STK39: variants seen among roughly 807,000 people sequenced by gnomAD.
The protein encoded by STK39 is serine/threonine kinase 39, also known as STE20/SPS1-related proline-alanine-rich protein kinase.
A neutral mutation model predicts 77.8 loss-of-function variants in STK39; 20 were observed. The observed-to-expected ratio is 0.26, with a 90% CI of 0.18 to 0.37. The LOEUF is 0.37. Ranked by LOEUF, STK39 falls within the 10% of genes least tolerant of loss-of-function variation. The pLI is 1.00. For missense variants in STK39, 479 were observed against 656.5 expected (o/e 0.73, Z 2.95); for synonymous variants, 246 against 234.1 (o/e 1.05, Z -0.47).
At chr2:167,998,110 T>TA (rs35127860) in intron 16 of STK39, among the ~76,000 whole-genome samples, 76 of 151,520 alleles carry the variant, frequency 5.0e-4, no homozygotes, top group African/African-American at 1.7e-3. Context: ...AAGGGAAGGT[T>TA]AAAAAAAAAT....
intron 16 of STK39, among the ~76,000 whole-genome samples, chr2:167,968,814 A>G (rs1355113714): frequency 6.6e-6 from 1 of 152,202 alleles, no homozygotes; most frequent in Non-Finnish European, 1.5e-5. Context: ...ATATAAATTA[A>G]AATTTTATTT....
chr2:168,070,106 T>A (rs1444503284), intron 12 of STK39, among the ~76,000 whole-genome samples: 1 of 152,194 alleles, frequency 6.6e-6, no homozygotes, highest in Non-Finnish European at 1.5e-5. Context: ...TTGAAAAGTT[T>A]TATATAACCT....
chr2:168,099,332 A>G (rs945674370), intron 10 of STK39, among the ~76,000 whole-genome samples: 2 of 152,240 alleles, frequency 1.3e-5, no homozygotes, highest in Non-Finnish European at 2.9e-5. Flanking sequence ...GAGCGAAATC[A>G]CCAATCCAAA....
chr2:168,137,700 G>C (rs1453522786), intron 8 of STK39, among the ~76,000 whole-genome samples: 2 of 152,282 alleles, frequency 1.3e-5, no homozygotes, highest in African/African-American at 2.4e-5. Flanking sequence ...GTTTAGACTG[G>C]AGCTAGCAGG....
At chr2:168,066,413 T>C (rs1471116481) in intron 12 of STK39, among the ~76,000 whole-genome samples, 1 of 152,222 alleles carries the variant, frequency 6.6e-6, no homozygotes, top group African/African-American at 2.4e-5. Context: ...TACGATAAGA[T>C]GTTAGGGGAA....
At chr2:168,068,606 C>T (rs940487122) in intron 12 of STK39, among the ~76,000 whole-genome samples, 7 of 152,150 alleles carry the variant, frequency 4.6e-5, no homozygotes, top group Non-Finnish European at 1.5e-5. Flanking sequence ...TCTGCACTGT[C>T]CCTGCAACGT....
chr2:168,050,229 G>A (rs1263646061), intron 14 of STK39, among the ~76,000 whole-genome samples: 1 of 152,194 alleles, frequency 6.6e-6, no homozygotes, highest in Non-Finnish European at 1.5e-5. Flanking sequence ...GAATGTGACA[G>A]GCACTGCATC....
chr2:168,077,974 C>T (rs563767093), intron 10 of STK39, among the ~76,000 whole-genome samples: 3 of 151,212 alleles, frequency 2.0e-5, no homozygotes, highest in African/African-American at 7.3e-5. Context: ...AGATTATTTA[C>T]CCTTGTAATT....
chr2:168,093,860 C>T (rs1402364397), intron 10 of STK39, among the ~76,000 whole-genome samples: 1 of 152,186 alleles, frequency 6.6e-6, no homozygotes. Context: ...AAAGCCCAAT[C>T]TCCTCATCAA....
At chr2:168,003,532 C>G (rs1684052760) in intron 16 of STK39, among the ~76,000 whole-genome samples, 1 of 151,854 alleles carries the variant, frequency 6.6e-6, no homozygotes, top group Non-Finnish European at 1.5e-5. Context: ...GAGTTACAAT[C>G]AAATAGGCTG....
intron 2 of STK39, among the ~76,000 whole-genome samples, chr2:168,174,829 T>A (rs555059906): frequency 7.3e-6 from 1 of 137,454 alleles, no homozygotes; most frequent in African/African-American, 2.9e-5. Flanking sequence ...AGACTTCATC[T>A]CTTAAAAAAA....
chr2:168,167,023 C>T (rs1234305263), intron 3 of STK39, among the ~76,000 whole-genome samples: 3 of 152,054 alleles, frequency 2.0e-5, no homozygotes, highest in Non-Finnish European at 2.9e-5. Flanking sequence ...CATGAGAGCA[C>T]ATAATACATT....
In STK39 at chr2:168,189,268, T is replaced by C. The variant is rs186725847; in HGVS notation, c.209-7178A>G. ...ACTGAAGACAAGCAGCCCTTGTATATAACTCATCAAGAACCATCTGATAAT... is the reference window on the plus strand; with the variant it reads ...ACTGAAGACAAGCAGCCCTTGTATACAACTCATCAAGAACCATCTGATAAT... On this transcript the variant is annotated intron_variant, in intron 1 of 17. Transcript: ENST00000355999. 3.3e-5 allele frequency among the ~76,000 whole-genome samples: 5 copies of C among 152,236 alleles called. No individual in the cohort carries two copies. The East Asian group carries it at 7.7e-4, about 24-fold the overall frequency.
At chr2:168,210,030 A>AAAGGAAGGAAGGAAGG (rs764085860) in intron 1 of STK39, among the ~76,000 whole-genome samples, 3,015 of 109,916 alleles carry the variant, frequency 0.027, 56 homozygotes, top group African/African-American at 0.036. Flanking sequence ...GAAAGGAAAG[A>AAAGGAAGGAAGGAAGG]AAGGAAGGAA....
chr2:168,220,047 T>C (rs1690126887), intron 1 of STK39, among the ~76,000 whole-genome samples: 6 of 152,134 alleles, frequency 3.9e-5, no homozygotes, highest in Admixed American at 3.3e-4. Flanking sequence ...ATAATGATGA[T>C]AATCAAAGTT....
chr2:168,177,437 A>G (rs1688982437), intron 2 of STK39, among the ~76,000 whole-genome samples: 1 of 152,192 alleles, frequency 6.6e-6, no homozygotes, highest in Non-Finnish European at 1.5e-5. Flanking sequence ...GGCAATAGGA[A>G]AAAATTGAAA....
chr2:168,238,775 C>A (rs1235318179), intron 1 of STK39, among the ~76,000 whole-genome samples: 2 of 152,152 alleles, frequency 1.3e-5, no homozygotes, highest in Non-Finnish European at 2.9e-5. Flanking sequence ...TCTGAAATGA[C>A]TTTTTAATTA....
chr2:167,987,258 C>T (rs1342748654), intron 16 of STK39, among the ~76,000 whole-genome samples: 2 of 152,112 alleles, frequency 1.3e-5, no homozygotes, highest in African/African-American at 4.8e-5. Context: ...TTTTCTCTGG[C>T]TTATCATAAT....
intron 1 of STK39, among the ~76,000 whole-genome samples, chr2:168,196,452 C>G (rs1486314775): frequency 6.6e-6 from 1 of 152,190 alleles, no homozygotes; most frequent in African/African-American, 2.4e-5. Context: ...CACCTGAGGT[C>G]AGGAGTTCAA....
Sources: allele counts gnomAD v4.1 joint callset (sites outside exome capture counted in the v4.1 genomes callset), GRCh38; gene constraint gnomAD v4.1.1; transcripts MANE v1.5; gene names NCBI Gene and HGNC (gene_info 2026-07-23, HGNC 2026-07-21).